The following ANK3 variants were observed in gnomAD, a reference collection of about 807,000 sequenced individuals.
ANK3 encodes the protein ankyrin-3.
A neutral mutation model predicts 370.9 loss-of-function variants in ANK3; 57 were observed. That is an observed-to-expected ratio of 0.15 (90% CI 0.12 to 0.19). The LOEUF (loss-of-function observed/expected upper bound fraction) is 0.19, where lower values mean the gene tolerates loss of function less well. Ranked by LOEUF, ANK3 falls within the 10% of genes least tolerant of loss-of-function variation. The pLI is 1.00. For synonymous variants in ANK3, 1,929 were observed against 1,946.3 expected (o/e 0.99, Z 0.23); for missense variants, 4,439 against 5,302.1 (o/e 0.84, Z 5.06).
intron 1 of ANK3, among the ~76,000 whole-genome samples, chr10:60,708,929 T>C (rs539798700): frequency 6.6e-6 from 1 of 152,258 alleles, no homozygotes; most frequent in East Asian, 1.9e-4. Context: ...ACGAAGATAC[T>C]ATAGGATATT....
At chr10:60,109,835 TA>T (rs137883861) in intron 26 of ANK3, among the ~76,000 whole-genome samples, 1 of 152,344 alleles carries the variant, frequency 6.6e-6, no homozygotes, top group Non-Finnish European at 1.5e-5. Flanking sequence ...AATTAACTGT[TA>T]TTTTTGGGTA....
At chr10:60,102,239 C>A (rs891958929) in intron 28 of ANK3, among the ~76,000 whole-genome samples, 1 of 150,988 alleles carries the variant, frequency 6.6e-6, no homozygotes, top group Non-Finnish European at 1.5e-5. Flanking sequence ...AGTGTCAGGG[C>A]AGATGGCTTG....
chr10:60,597,357 G>T (rs140011725), intron 2 of ANK3, among the ~76,000 whole-genome samples: 73 of 152,248 alleles, frequency 4.8e-4, no homozygotes, highest in African/African-American at 1.7e-3. Context: ...GTAGCTTATG[G>T]GATTCTGTTG....
At chr10:60,673,214 C>T (rs887487012) in intron 1 of ANK3, among the ~76,000 whole-genome samples, 4 of 151,836 alleles carry the variant, frequency 2.6e-5, no homozygotes, top group African/African-American at 9.7e-5. Flanking sequence ...TTTTCATAGG[C>T]ACAGAAGAGG....
At chr10:60,041,915 C>T (rs2076157216) in intron 43 of ANK3, among the ~76,000 whole-genome samples, 1 of 151,652 alleles carries the variant, frequency 6.6e-6, no homozygotes, top group African/African-American at 2.4e-5. Context: ...TTTGCTCTTT[C>T]TTACTACTTT....
chr10:60,229,317 T>A (rs2097208363), intron 8 of ANK3, among the ~76,000 whole-genome samples: 1 of 152,200 alleles, frequency 6.6e-6, no homozygotes, highest in South Asian at 2.1e-4. Flanking sequence ...TGTCAACATA[T>A]CTATTTTAGA....
At chr10:60,279,406 G>T in intron 2 of ANK3, 132 bp downstream of exon 2, 2 of 763,812 alleles carry the variant, frequency 2.6e-6, no homozygotes, top group Non-Finnish European at 4.4e-6. Context: ...CTCTAACAGA[G>T]AATAATTTGA....
At chr10:60,206,212 T>C (rs1180758213) in intron 10 of ANK3, among the ~76,000 whole-genome samples, 2 of 152,096 alleles carry the variant, frequency 1.3e-5, no homozygotes, top group Non-Finnish European at 2.9e-5. Flanking sequence ...GTGGCTCACA[T>C]GTGTAATCCC....
chr10:60,710,824 A>G (rs560763700), intron 1 of ANK3, among the ~76,000 whole-genome samples: 1 of 152,324 alleles, frequency 6.6e-6, no homozygotes, highest in African/African-American at 2.4e-5. Flanking sequence ...ATTCCAGTCC[A>G]AGTTTAAGGC....
chr10:60,215,285 A>C (rs1377919881), intron 8 of ANK3, among the ~76,000 whole-genome samples: 1 of 152,026 alleles, frequency 6.6e-6, no homozygotes, highest in Non-Finnish European at 1.5e-5. Context: ...TAGACTGCAA[A>C]AATTTTCTCC....
chr10:60,092,345 T>C (rs1167846467), intron 28 of ANK3, among the ~76,000 whole-genome samples: 2 of 152,138 alleles, frequency 1.3e-5, no homozygotes, highest in African/African-American at 4.8e-5. Flanking sequence ...CTTTATCAGA[T>C]ACGTGAGGCT....
chr10:60,161,817 A>C (rs1228754723), intron 23 of ANK3, among the ~76,000 whole-genome samples: 1 of 152,224 alleles, frequency 6.6e-6, no homozygotes. Flanking sequence ...AATATCTGGT[A>C]GCACAATAGG....
intron 2 of ANK3, among the ~76,000 whole-genome samples, chr10:60,514,146 G>T (rs1463046978): frequency 1.3e-5 from 2 of 152,104 alleles, no homozygotes; most frequent in Non-Finnish European, 2.9e-5. Context: ...TAAAACATAT[G>T]CAAAATATGT....
chr10:60,465,718 A>C (rs981255760), intron 2 of ANK3, among the ~76,000 whole-genome samples: 3 of 151,866 alleles, frequency 2.0e-5, no homozygotes, highest in Non-Finnish European at 2.9e-5. Flanking sequence ...CAATAGTAAA[A>C]CTTGACAGAA....
intron 1 of ANK3, among the ~76,000 whole-genome samples, chr10:60,688,425 G>C (rs751323454): frequency 6.6e-6 from 1 of 152,124 alleles, no homozygotes; most frequent in Admixed American, 6.5e-5. Flanking sequence ...AGTTAGATCT[G>C]CCATACATTG....
At chr10:60,364,629 C>T (rs953400437) in intron 1 of ANK3, among the ~76,000 whole-genome samples, 5 of 151,934 alleles carry the variant, frequency 3.3e-5, no homozygotes, top group Admixed American at 6.6e-5. Flanking sequence ...CTCCATGGTA[C>T]GTGTATACCT....
intron 41 of ANK3, among the ~76,000 whole-genome samples, chr10:60,057,644 G>A (rs1394861052): frequency 1.3e-5 from 2 of 152,158 alleles, no homozygotes; most frequent in African/African-American, 4.8e-5. Flanking sequence ...CTGATAACAG[G>A]AGCAAAGTGA....
intron 37 of ANK3, among the ~76,000 whole-genome samples, chr10:60,068,216 C>T (rs890262794): frequency 2.0e-5 from 3 of 152,298 alleles, no homozygotes; most frequent in East Asian, 1.9e-4. Flanking sequence ...TACATGGATG[C>T]TCAATGTAAT....
At chr10:60,622,184 A>C (rs2078346099) in intron 1 of ANK3, among the ~76,000 whole-genome samples, 1 of 152,134 alleles carries the variant, frequency 6.6e-6, no homozygotes, top group African/African-American at 2.4e-5. Flanking sequence ...GAAAGCCAGA[A>C]AGTTGGTTTG....
Sources: allele counts gnomAD v4.1 joint callset (sites outside exome capture counted in the v4.1 genomes callset), GRCh38; gene constraint gnomAD v4.1.1; transcripts MANE v1.5; gene names NCBI Gene and HGNC (gene_info 2026-07-23, HGNC 2026-07-21).